CHD2: variants seen among roughly 807,000 people sequenced by gnomAD.
CHD2 encodes the protein chromodomain helicase DNA binding protein 2, also known as ATP-dependent chromatin remodeler CHD2.
A neutral mutation model predicts 243.9 loss-of-function variants in CHD2; 28 were observed. The ratio of observed to expected loss-of-function variants is 0.11; its 90% CI spans 0.09 to 0.16. CHD2 has a LOEUF of 0.16. Ranked by LOEUF, CHD2 falls within the 10% of genes least tolerant of loss-of-function variation. The probability of loss-of-function intolerance (pLI) is 1.00; values close to 1 mark genes in which losing one functional copy is unlikely to be tolerated. For synonymous variants in CHD2, 775 were observed against 779.0 expected, an observed-to-expected ratio of 0.99 and a Z score of 0.09; for missense variants, 1,386 against 2,209.8, an observed-to-expected ratio of 0.63 and a Z score of 7.47.
At chr15:92,907,632 G>A (rs532227695) in intron 2 of CHD2, among the ~76,000 whole-genome samples, 1 of 152,216 alleles carries the variant, frequency 6.6e-6, no homozygotes, top group Admixed American at 6.5e-5. Context: ...ACTTATGATT[G>A]GACTTGTAAT....
In CHD2 at chr15:93,014,798, C is replaced by T; in HGVS notation, c.4795C>T (p.His1599Tyr). The T allele has an allele frequency of 1.2e-6, 2 of 1,614,204 alleles. No homozygotes were observed. Among genetic ancestry groups the T allele is most frequent in the Non-Finnish European group, 1.7e-6 (2 of 1,180,024 alleles). The change falls in exon 37 of 39, where the codon CAC becomes TAC. Residue 1599 changes from histidine (H) to tyrosine (Y), a missense_variant. Physicochemically the swap from His to Tyr is moderately conservative, Grantham distance 83 (BLOSUM62 2). This residue lies in a region of CHD2 where 347 missense variants were observed against 341.6 expected (regional missense o/e 1.02). Coordinates refer to ENST00000394196, the MANE Select transcript of CHD2 (RefSeq NM_001271.4). ...DSLISQSHTS[H>Y]NLHPQKPHLP... ...TCTGATATCTCAGTCCCATACCTCA[C>T]ACAACCTTCACCCTCAGAAGCCTCA...
chr15:93,011,211 C>G (rs546724043), intron 35 of CHD2, among the ~76,000 whole-genome samples: 1 of 152,144 alleles, frequency 6.6e-6, no homozygotes, highest in South Asian at 2.1e-4. Context: ...TCGCCCTTTA[C>G]AAGTCAAAAA....
chr15:93,005,131 A>G (rs1467528747), intron 34 of CHD2, among the ~76,000 whole-genome samples: 3 of 152,180 alleles, frequency 2.0e-5, no homozygotes, highest in African/African-American at 7.2e-5. Context: ...TAAACTGTAC[A>G]TTGGAGTAGG....
intron 13 of CHD2, among the ~76,000 whole-genome samples, chr15:92,950,963 C>A (rs1409935238): frequency 1.3e-5 from 2 of 152,002 alleles, no homozygotes; most frequent in Non-Finnish European, 2.9e-5. Context: ...TATAATGATT[C>A]TGAATTGCTT....
intron 11 of CHD2, 57 bp from the exon 12 acceptor site, chr15:92,945,981 C>A: frequency 4.0e-6 from 6 of 1,509,098 alleles, no homozygotes; most frequent in South Asian, 3.8e-5. Flanking sequence ...AACAGAATGT[C>A]ATTTTTCACT....
In CHD2 at chr15:93,002,188, G is replaced by T; in HGVS notation, c.4149G>T (p.Leu1383Phe). Reference sequence around the variant, plus strand: ...GTTTTGTTTCCTAGGATGATGGCTTGGAAAAAAGTCCAATGAAAAAAAAAC... The same window carrying T: ...GTTTTGTTTCCTAGGATGATGGCTTTGAAAAAAGTCCAATGAAAAAAAAAC... ...SEEGEVKDDG[L>F]EKSPMKKKQK... Residue 1383 changes from leucine (L) to phenylalanine (F), a missense_variant, in exon 33 of 39, where the codon TTG becomes TTT. By Grantham distance (22) the Leu-to-Phe change is conservative (BLOSUM62 0). Transcript: ENST00000394196. 1 of 1,586,370 alleles carries T rather than the reference G, an allele frequency of 6.3e-7. No homozygotes were observed. The highest frequency in any genetic ancestry group is 1.2e-5 in the South Asian group (1 of 84,908).
chr15:92,942,797 T>C (rs1027559786), intron 8 of CHD2, 46 bp from the exon 9 acceptor site: 2 of 1,440,252 alleles, frequency 1.4e-6, no homozygotes, highest in Non-Finnish European at 9.3e-7. Context: ...CTTTTTAATA[T>C]CTGGTGTAAT....
chr15:92,969,020 A>G (rs955007329), intron 17 of CHD2, among the ~76,000 whole-genome samples: 1 of 152,234 alleles, frequency 6.6e-6, no homozygotes, highest in Admixed American at 6.5e-5. Context: ...ATACTCCTTT[A>G]CTAGGAAATG....
rs1457242951 is a variant in CHD2, at chr15:92,971,726, T to G, written c.2190-39T>G. ...TTCTGGTACCTACAACTTTCTGTTT[T>G]TTTGTATCTAGTAGTATCATTATCA... On this transcript the variant is annotated intron_variant, in intron 17 of 38. Transcript: ENST00000394196. 6 of 1,572,042 alleles carry G rather than the reference T, an allele frequency of 3.8e-6. No homozygotes were observed. In the African/African-American group the frequency reaches 8.2e-5, roughly 22 times the overall value.
chr15:92,933,042 C>CT (rs1567130860), intron 5 of CHD2, among the ~76,000 whole-genome samples: 14 of 141,810 alleles, frequency 9.9e-5, no homozygotes, highest in African/African-American at 2.3e-4. Flanking sequence ...GCGCCCGGCC[C>CT]CTTTTTTTTT....
chr15:93,018,115 C>G (rs991078965), intron 37 of CHD2, among the ~76,000 whole-genome samples: 1 of 152,168 alleles, frequency 6.6e-6, no homozygotes, highest in African/African-American at 2.4e-5. Context: ...TTTTAAGCAC[C>G]TCTACAAAAC....
chr15:92,916,715 A>G (rs1596373119), intron 2 of CHD2, among the ~76,000 whole-genome samples: 2 of 152,176 alleles, frequency 1.3e-5, no homozygotes, highest in East Asian at 3.9e-4. Context: ...CACCACGCCC[A>G]GCTAATTTTT....
At chr15:92,968,528 G>T (rs2053797544) in intron 17 of CHD2, among the ~76,000 whole-genome samples, 1 of 152,196 alleles carries the variant, frequency 6.6e-6, no homozygotes, top group Admixed American at 6.5e-5. Context: ...GACTAACGAT[G>T]AGCATTGCCT....
chr15:92,913,860 CAAA>C (rs1311476019), intron 2 of CHD2, among the ~76,000 whole-genome samples: 1 of 152,014 alleles, frequency 6.6e-6, no homozygotes, highest in South Asian at 2.1e-4. Flanking sequence ...CCAAAAAAAA[CAAA>C]AACCCTATGA....
chr15:92,942,095 T>TGAATC, intron 8 of CHD2, 140 bp downstream of exon 8: 1 of 771,006 alleles, frequency 1.3e-6, no homozygotes, highest in Non-Finnish European at 2.1e-6. Flanking sequence ...GACCCAGTGT[T>TGAATC]TCAGAGCTGA....
chr15:92,967,579 G>T, intron 17 of CHD2, 66 bp downstream of exon 17: 39 of 1,047,986 alleles, frequency 3.7e-5, no homozygotes, highest in Non-Finnish European at 4.7e-5. Flanking sequence ...TTAGATAGGA[G>T]ATATATATAT....
At position 92,998,082 on chromosome 15, in the gene CHD2, C is replaced by A. The variant is rs779735115; in HGVS notation, c.3886-417C>A. The A allele has an allele frequency of 3.9e-5, 23 of 591,680 alleles. No homozygotes were observed. Among genetic ancestry groups the A allele is most frequent in the Middle Eastern group, 8.2e-4 (1 of 1,224 alleles). The allele number at this position is 591,680 out of a possible 1,614,324, so 36.7% of individuals were successfully genotyped here. On this transcript the variant is annotated intron_variant, in intron 30 of 38. Coordinates refer to ENST00000394196, the MANE Select transcript of CHD2 (RefSeq NM_001271.4). The surrounding 1 kb of genome is among the most constrained non-coding windows in gnomAD (Gnocchi z 5.1). ...TAGCAAGGAACAGATCATGTCCTGG[C>A]GTAGCTCAGTGCTCTCCGGCAATGC...
chr15:93,011,243 G>A (rs767811888), intron 35 of CHD2, among the ~76,000 whole-genome samples: 5 of 152,148 alleles, frequency 3.3e-5, no homozygotes, highest in African/African-American at 4.8e-5. Context: ...GTAAGCCCTC[G>A]GAGAAACTGT....
At chr15:92,908,003 ATTTTTTT>A (rs71877681) in intron 2 of CHD2, among the ~76,000 whole-genome samples, 4 of 107,642 alleles carry the variant, frequency 3.7e-5, no homozygotes, top group Non-Finnish European at 5.4e-5. Context: ...CTCTCTTAGA[ATTTTTTT>A]TTTTTTTTTT....
Sources: gnomAD v4.1 joint callset for allele counts (sites outside exome capture counted in the v4.1 genomes callset) on GRCh38, gnomAD v4.1.1 for gene constraint, gnomAD v4.1.1 regional missense constraint, Gnocchi (gnomAD v3.1) non-coding constraint, MANE v1.5 for transcripts, NCBI Gene and HGNC (gene_info 2026-07-23, HGNC 2026-07-21) for gene names.